Variants in POLA2 observed in about 807,000 individuals in gnomAD.
The protein encoded by POLA2 is DNA polymerase alpha subunit B.
POLA2 carries 47 observed loss-of-function variants against 82.8 expected under a neutral mutation model. That is an observed-to-expected ratio of 0.57 (90% CI 0.45 to 0.72). The LOEUF (loss-of-function observed/expected upper bound fraction) is 0.72, where lower values mean the gene tolerates loss of function less well. Ranked by LOEUF, POLA2 falls within the 30% of genes least tolerant of loss-of-function variation. The pLI, the probability that POLA2 is intolerant of heterozygous loss-of-function variation, is 0.00. For synonymous variants in POLA2, 287 were observed against 286.8 expected, an observed-to-expected ratio of 1.00 and a Z score of -0.01; for missense variants, 634 against 728.1, an observed-to-expected ratio of 0.87 and a Z score of 1.49.
rs1590906752 is a variant in POLA2, at chr11:65,289,040, C to T, written c.1132-10C>T. On this transcript the variant is annotated splice_polypyrimidine_tract_variant and intron_variant, in intron 11 of 17. Coordinates refer to ENST00000265465, the MANE Select transcript of POLA2 (RefSeq NM_002689.4). ...TTGTTCTTTTGGTGTCTTTGTTTCT[C>T]CCCTTGCAGTTTGGCCCTTTCCTGG... 1.9e-6 allele frequency: 3 copies of T among 1,613,072 alleles called. No homozygotes were observed. Among genetic ancestry groups the T allele is most frequent in the East Asian group, 4.5e-5 (2 of 44,818 alleles).
rs201117545 is a variant in POLA2 at position 65,289,828 on chromosome 11, C to T, written c.1200C>T (p.Asp400=). The part of the protein sequence containing the change: ...ENCLLTSPFE[D]IFKQCLRTII... ...GTCTACTGACAAGTCCATTTGAAGA[C>T]ATTTTCAAGCAGTGTCTACGAACAA... Residue 400 remains aspartate (D), a synonymous_variant, in exon 13 of 18, where the codon GAC becomes GAT. Transcript: ENST00000265465. The T allele has an allele frequency of 1.9e-6, 3 of 1,611,448 alleles. No homozygotes were observed. The highest frequency in any genetic ancestry group is 1.7e-4 in the Middle Eastern group (1 of 6,054).
At chr11:65,286,124 G>C (rs1190260230) in intron 10 of POLA2, among the ~76,000 whole-genome samples, 1 of 152,172 alleles carries the variant, frequency 6.6e-6, no homozygotes, top group Non-Finnish European at 1.5e-5. Context: ...AAGAGGAATG[G>C]CAAGAGAATC....
Position 65,297,290 on chromosome 11 carries a change from C to G in POLA2, c.*21C>G. ...TCTGAGGCTTCTGTCCTCTGCTGTT[C>G]TCTGCTGTGTGGGCCCTTAAAGTCT... On this transcript the variant is annotated 3_prime_UTR_variant, in exon 18 of 18. Coordinates refer to ENST00000265465, the MANE Select transcript of POLA2 (RefSeq NM_002689.4). 1 of 1,578,286 alleles carries G rather than the reference C, an allele frequency of 6.3e-7. No individual in the cohort carries two copies. The highest frequency in any genetic ancestry group is 1.2e-5 in the South Asian group (1 of 85,820).
chr11:65,268,395 A>G (rs1479193321), intron 3 of POLA2, among the ~76,000 whole-genome samples: 2 of 150,246 alleles, frequency 1.3e-5, no homozygotes, highest in Non-Finnish European at 2.9e-5. Flanking sequence ...TGTGTCGCCC[A>G]TGCTGGAGTG....
intron 15 of POLA2, among the ~76,000 whole-genome samples, chr11:65,295,224 A>G (rs1269538806): frequency 6.6e-6 from 1 of 152,198 alleles, no homozygotes; most frequent in African/African-American, 2.4e-5. Context: ...CAGCCTGGCT[A>G]CACACCCGCC....
At chr11:65,294,315 C>T (rs1949787080) in intron 14 of POLA2, 54 bp downstream of exon 14, 1 of 1,404,908 alleles carries the variant, frequency 7.1e-7, no homozygotes. Context: ...CATGCCTCTG[C>T]CACTAGCTCT....
chr11:65,268,791 A>T, intron 4 of POLA2, 62 bp downstream of exon 4: 2 of 1,119,638 alleles, frequency 1.8e-6, no homozygotes, highest in Non-Finnish European at 2.6e-6. Context: ...GTTTCACAAC[A>T]TTTGAAGATC....
chr11:65,266,728 A>G (rs1565466067), intron 2 of POLA2, 22 bp downstream of exon 2: 1 of 1,613,328 alleles, frequency 6.2e-7, no homozygotes, highest in Non-Finnish European at 8.5e-7. Flanking sequence ...ATGAAAGCAA[A>G]CTAATAATGT....
chr11:65,293,188 G>A (rs899406191), intron 13 of POLA2, among the ~76,000 whole-genome samples: 2 of 152,084 alleles, frequency 1.3e-5, no homozygotes, highest in African/African-American at 4.8e-5. Flanking sequence ...TGAGAGGGGA[G>A]GGATGCGATG....
At chr11:65,285,677 T>C (rs1476057149) in intron 10 of POLA2, among the ~76,000 whole-genome samples, 2 of 152,116 alleles carry the variant, frequency 1.3e-5, no homozygotes, top group Non-Finnish European at 2.9e-5. Context: ...GAAATCAACC[T>C]GGCTGAGATA....
chr11:65,303,214 C>T (rs1949867852), downstream of POLA2, among the ~76,000 whole-genome samples: 1 of 152,020 alleles, frequency 6.6e-6, no homozygotes, highest in African/African-American at 2.4e-5. Context: ...TGGTGGCAGG[C>T]ACCTGTAGTC....
intron 10 of POLA2, among the ~76,000 whole-genome samples, chr11:65,287,039 C>T (rs1206576245): frequency 1.3e-5 from 2 of 152,144 alleles, no homozygotes; most frequent in African/African-American, 4.8e-5. Flanking sequence ...AGATTGCAGA[C>T]CCTGGGAGGA....
intron 4 of POLA2, among the ~76,000 whole-genome samples, chr11:65,270,334 T>A (rs1287521708): frequency 9.9e-5 from 15 of 152,178 alleles, no homozygotes; most frequent in Admixed American, 9.8e-4. Context: ...ACAGCCTGGA[T>A]GACAAAGTGA....
At chr11:65,289,771 T>G in intron 12 of POLA2, 28 bp from the exon 13 acceptor site, 1 of 1,491,126 alleles carries the variant, frequency 6.7e-7, no homozygotes, top group South Asian at 1.1e-5. Context: ...ATCTGCCGTC[T>G]AAATCTGTCT....
Position 65,297,077 on chromosome 11 carries a change from A to C in POLA2, c.1648-43A>C, listed in dbSNP as rs1427330300. On this transcript the variant is annotated intron_variant, in intron 17 of 17. Transcript: ENST00000265465. ...TTCTTTTTCACATTGGTTCCCAGTT[A>C]GTTGAGGCTCTCCAAACCTGTCACC... is the stretch of plus-strand genomic sequence containing the variant. The C allele has an allele frequency of 1.9e-6, 3 of 1,606,102 alleles. No homozygotes were observed. In the African/African-American group the frequency reaches 4.0e-5, roughly 22 times the overall value.
intron 10 of POLA2, among the ~76,000 whole-genome samples, chr11:65,287,134 T>A (rs1949705455): frequency 6.6e-6 from 1 of 152,180 alleles, no homozygotes; most frequent in African/African-American, 2.4e-5. Flanking sequence ...CAGCCCCATG[T>A]AGACTGCCTT....
rs1949467207 is a variant in POLA2 at position 65,266,906 on chromosome 11, T to C, written c.204+200T>C. On this transcript the variant is annotated intron_variant, in intron 2 of 17. Coordinates refer to ENST00000265465, the MANE Select transcript of POLA2 (RefSeq NM_002689.4). The stretch of plus-strand genomic sequence containing the variant: ...GTCTAATAATCTGTATTTTTTATGA[T>C]TGTTATAAGAATTAAATGGGGCTGG... Among the ~76,000 whole-genome samples, 3 of 152,150 alleles carry C rather than the reference T, an allele frequency of 2.0e-5. No individual in the cohort carries two copies. The South Asian group carries it at 6.2e-4, about 31-fold the overall frequency.
Position 65,289,821 on chromosome 11 carries a change from T to C in POLA2, c.1193T>C (p.Phe398Ser). ...QVENCLLTSP[F>S]EDIFKQCLRT... Reference sequence around the variant, plus strand: ...CAGAATTGTCTACTGACAAGTCCATTTGAAGACATTTTCAAGCAGTGTCTA... The same window carrying C: ...CAGAATTGTCTACTGACAAGTCCATCTGAAGACATTTTCAAGCAGTGTCTA... The change falls in exon 13 of 18, where the codon TTT becomes TCT. Residue 398 changes from phenylalanine (F) to serine (S), a missense_variant. Phe to Ser is a radical substitution (Grantham distance 155, BLOSUM62 -2). Transcript: ENST00000265465. The C allele has an allele frequency of 6.2e-7, 1 of 1,610,988 alleles. No homozygotes were observed. The highest frequency in any genetic ancestry group is 8.5e-7 in the Non-Finnish European group (1 of 1,177,226).
rs1373749357 is a variant in POLA2 at position 65,295,952 on chromosome 11, GTCC to G, written c.1612_1614del (p.Leu538del). The G allele has an allele frequency of 1.2e-6, 2 of 1,614,144 alleles. No homozygotes were observed. The highest frequency in any genetic ancestry group is 1.7e-6 in the Non-Finnish European group (2 of 1,179,990). ...CGCACAGCTGCCTGTCACCCCAGAT[GTCC>G]TCATCATCCCGTCAGAGCTGAGGTA... On this transcript the variant is annotated inframe_deletion, in exon 17 of 18. Coordinates refer to ENST00000265465, the MANE Select transcript of POLA2 (RefSeq NM_002689.4).
Sources: gnomAD v4.1 joint callset for allele counts (sites outside exome capture counted in the v4.1 genomes callset) on GRCh38, gnomAD v4.1.1 for gene constraint, MANE v1.5 for transcripts, NCBI Gene and HGNC (gene_info 2026-07-23, HGNC 2026-07-21) for gene names.